Variants in DCBLD2 observed in about 807,000 individuals in gnomAD.
DCBLD2 encodes the protein discoidin, CUB and LCCL domain-containing protein 2.
A neutral mutation model predicts 86.8 loss-of-function variants in DCBLD2; 54 were observed. That is an observed-to-expected ratio of 0.62 (90% CI 0.50 to 0.78). DCBLD2 has a LOEUF of 0.78. DCBLD2 is among the 30% of genes least tolerant of loss of function. DCBLD2 has a pLI of 0.00. For missense variants in DCBLD2, 908 were observed against 954.2 expected (o/e 0.95, Z 0.64); for synonymous variants, 354 against 341.3 (o/e 1.04, Z -0.41).
At chr3:98,843,060 C>T (rs1942649977) in intron 3 of DCBLD2, among the ~76,000 whole-genome samples, 1 of 152,122 alleles carries the variant, frequency 6.6e-6, no homozygotes, top group South Asian at 2.1e-4. Context: ...TGTGAATTGC[C>T]TCTTCAGGTT....
Position 98,901,330 on chromosome 3 carries a change from G to T in DCBLD2, c.-4C>A. 1 of 1,401,970 alleles carries T rather than the reference G, an allele frequency of 7.1e-7. No homozygotes were observed. The highest frequency in any genetic ancestry group is 9.2e-7 in the Non-Finnish European group (1 of 1,090,294). 86.8% of individuals were successfully genotyped at this position (1,401,970 alleles called of 1,614,324 possible). A position where few individuals can be genotyped will look rare whatever the true frequency, so the allele number is the denominator to read the frequency against. ...TCACCACCGCCCGGCTCGCCATCGC[G>T]GCGGCCGGCAGTCTGCCTGCATAGT... On this transcript the variant is annotated 5_prime_UTR_variant, in exon 1 of 16. Coordinates refer to ENST00000326840, the MANE Select transcript of DCBLD2 (RefSeq NM_080927.4).
chr3:98,862,194 A>C (rs1353537743), intron 2 of DCBLD2, among the ~76,000 whole-genome samples: 1 of 152,210 alleles, frequency 6.6e-6, no homozygotes, highest in East Asian at 1.9e-4. Flanking sequence ...ATCCCTGAAC[A>C]GACCAATAAC....
chr3:98,868,965 T>A (rs910339094), intron 2 of DCBLD2, among the ~76,000 whole-genome samples: 7 of 152,182 alleles, frequency 4.6e-5, no homozygotes, highest in African/African-American at 1.7e-4. Context: ...AATGACATAT[T>A]TTCCTTTGGG....
At chr3:98,810,600 T>G (rs1016877849) in intron 12 of DCBLD2, among the ~76,000 whole-genome samples, 1 of 152,220 alleles carries the variant, frequency 6.6e-6, no homozygotes, top group African/African-American at 2.4e-5. Flanking sequence ...AAGACTACTA[T>G]GTTTTATGTA....
chr3:98,842,049 A>C (rs1176904584), intron 3 of DCBLD2, among the ~76,000 whole-genome samples: 2 of 152,208 alleles, frequency 1.3e-5, no homozygotes, highest in Non-Finnish European at 2.9e-5. Context: ...CGGGTGCCAG[A>C]GCAAGACTCC....
chr3:98,835,949 T>TTTTTA (rs1942437397), intron 3 of DCBLD2, among the ~76,000 whole-genome samples: 1 of 149,574 alleles, frequency 6.7e-6, no homozygotes, highest in Admixed American at 6.6e-5. Context: ...TTTTTTTTTT[T>TTTTTA]TTTTAAGATT....
At chr3:98,862,863 C>A (rs1217351605) in intron 2 of DCBLD2, among the ~76,000 whole-genome samples, 2 of 152,144 alleles carry the variant, frequency 1.3e-5, no homozygotes, top group African/African-American at 4.8e-5. Context: ...ATTGGAAGTT[C>A]TGGCCAGGGC....
intron 3 of DCBLD2, among the ~76,000 whole-genome samples, chr3:98,838,089 C>CG (rs1942513630): frequency 2.3e-5 from 2 of 85,420 alleles, no homozygotes; most frequent in East Asian, 3.9e-4. Flanking sequence ...CTGGCCAGGC[C>CG]GGGGGCTGAA....
At chr3:98,850,674 T>C (rs1316225912) in intron 2 of DCBLD2, among the ~76,000 whole-genome samples, 1 of 152,214 alleles carries the variant, frequency 6.6e-6, no homozygotes, top group Non-Finnish European at 1.5e-5. Flanking sequence ...AAGAGTAATG[T>C]GGACCTCCAA....
At chr3:98,878,721 A>G (rs530833336) in intron 2 of DCBLD2, among the ~76,000 whole-genome samples, 1 of 152,316 alleles carries the variant, frequency 6.6e-6, no homozygotes, top group African/African-American at 2.4e-5. Flanking sequence ...TGATGGGGGA[A>G]GGGTGGGTAC....
intron 2 of DCBLD2, among the ~76,000 whole-genome samples, chr3:98,860,674 T>C (rs1943024787): frequency 6.6e-6 from 1 of 152,302 alleles, no homozygotes; most frequent in East Asian, 1.9e-4. Flanking sequence ...AAGCAAACGC[T>C]GACAGATTTT....
chr3:98,841,876 C>T (rs1336975191), intron 3 of DCBLD2, among the ~76,000 whole-genome samples: 1 of 152,110 alleles, frequency 6.6e-6, no homozygotes, highest in Non-Finnish European at 1.5e-5. Flanking sequence ...TCCTGGCTAA[C>T]ACAGTGAAAC....
At chr3:98,899,260 C>CTTTTTTT (rs10605926) in intron 1 of DCBLD2, among the ~76,000 whole-genome samples, 11 of 101,766 alleles carry the variant, frequency 1.1e-4, no homozygotes, top group African/African-American at 2.7e-4. Context: ...ATTTCTTTTT[C>CTTTTTTT]TTTTTTTTTT....
chr3:98,856,950 G>A (rs866867238), intron 2 of DCBLD2, among the ~76,000 whole-genome samples: 1 of 152,210 alleles, frequency 6.6e-6, no homozygotes, highest in Admixed American at 6.5e-5. Flanking sequence ...TGACATATAA[G>A]TGTGTCCAGA....
chr3:98,894,994 T>G (rs893410187), intron 1 of DCBLD2, among the ~76,000 whole-genome samples: 1 of 152,030 alleles, frequency 6.6e-6, no homozygotes, highest in African/African-American at 2.4e-5. Flanking sequence ...AAGAAGGGTT[T>G]TGAAGGCTGA....
intron 1 of DCBLD2, chr3:98,895,162 G>C (rs1297506208): frequency 6.6e-6 from 1 of 152,216 alleles, no homozygotes; most frequent in East Asian, 1.9e-4. Context: ...TATACAGTGT[G>C]AGAAATGCTG....
chr3:98,836,520 G>A lies in DCBLD2; in HGVS notation c.572-11154C>T, dbSNP rs574869325. On this transcript the variant is annotated intron_variant, in intron 3 of 15. Transcript: ENST00000326840. ...TTCTACACAGACACCGCAACCATCC[G>A]ATTTCTCAATCTTTTCCCCACCTTT... Among the ~76,000 whole-genome samples the A allele has an allele frequency of 2.0e-5, 3 of 151,816 alleles. No homozygotes were observed. In the South Asian group the frequency reaches 6.2e-4, roughly 32 times the overall value.
rs1943854607 is a variant in DCBLD2 at position 98,901,617 on chromosome 3, G to C, written c.-291C>G. Reference sequence around the variant, plus strand: ...CGGCCGCGGCGGAGCTAAGGAACGTGCCTCCCGCGCCGCGCTCCTCACCAG... The same window carrying C: ...CGGCCGCGGCGGAGCTAAGGAACGTCCCTCCCGCGCCGCGCTCCTCACCAG... On this transcript the variant is annotated 5_prime_UTR_variant, in exon 1 of 16. Coordinates refer to ENST00000326840, the MANE Select transcript of DCBLD2 (RefSeq NM_080927.4). 3 of 244,326 alleles carry C rather than the reference G, an allele frequency of 1.2e-5. No individual in the cohort carries two copies. Among genetic ancestry groups the C allele is most frequent in the African/African-American group, 2.3e-5 (1 of 44,438 alleles). The allele number at this position is 244,326 out of a possible 1,614,324, so 15.1% of individuals were successfully genotyped here.
intron 3 of DCBLD2, among the ~76,000 whole-genome samples, chr3:98,831,236 G>C (rs1942316426): frequency 6.8e-6 from 1 of 148,078 alleles, no homozygotes; most frequent in Admixed American, 6.8e-5. Context: ...ATTTTTAGTA[G>C]AGACGAGGTT....
Sources: allele counts gnomAD v4.1 joint callset (sites outside exome capture counted in the v4.1 genomes callset), GRCh38; gene constraint gnomAD v4.1.1; transcripts MANE v1.5; gene names NCBI Gene and HGNC (gene_info 2026-07-23, HGNC 2026-07-21).